The following CENPF variants were observed in gnomAD, a reference collection of about 807,000 sequenced individuals.
CENPF encodes the protein centromere protein F.
Under a neutral mutation model 307.3 loss-of-function variants are expected in CENPF, and 214 were observed. That is an observed-to-expected ratio of 0.70 (90% CI 0.62 to 0.78). The LOEUF is 0.78. Ranked by LOEUF, CENPF falls within the 30% of genes least tolerant of loss-of-function variation. CENPF has a pLI of 0.00. For missense variants in CENPF, 3,401 were observed against 3,483.9 expected (o/e 0.98, Z 0.60); for synonymous variants, 1,259 against 1,270.6 (o/e 0.99, Z 0.19).
At chr1:214,650,185 G>T (rs1369114525) in intron 14 of CENPF, among the ~76,000 whole-genome samples, 1 of 152,152 alleles carries the variant, frequency 6.6e-6, no homozygotes, top group Non-Finnish European at 1.5e-5. Context: ...AGTCAGCTAT[G>T]CAACGACCAG....
chr1:214,630,027 A>G (rs1175999714), intron 8 of CENPF, among the ~76,000 whole-genome samples: 1 of 152,204 alleles, frequency 6.6e-6, no homozygotes, highest in Non-Finnish European at 1.5e-5. Flanking sequence ...TTAAGAGTCT[A>G]TAGATTTTAA....
intron 1 of CENPF, chr1:214,608,624 G>A: frequency 6.2e-7 from 1 of 1,605,856 alleles, no homozygotes; most frequent in Non-Finnish European, 8.5e-7. Context: ...AAGTCGGCGC[G>A]CTCCGTCAGG....
intron 3 of CENPF, 89 bp from the exon 4 acceptor site, chr1:214,618,484 G>A: frequency 6.8e-7 from 1 of 1,461,130 alleles, no homozygotes; most frequent in East Asian, 2.3e-5. Flanking sequence ...TTCTTTGTAA[G>A]TTTATTACTC....
Sources: gnomAD v4.1 joint callset for allele counts (sites outside exome capture counted in the v4.1 genomes callset) on GRCh38, gnomAD v4.1.1 for gene constraint, MANE v1.5 for transcripts, NCBI Gene and HGNC (gene_info 2026-07-23, HGNC 2026-07-21) for gene names.